The following PSKH1 variants were observed in gnomAD, a reference collection of about 807,000 sequenced individuals.
The protein encoded by PSKH1 is serine/threonine-protein kinase H1.
A neutral mutation model predicts 26.7 loss-of-function variants in PSKH1; 12 were observed. The observed-to-expected ratio is 0.45, with a 90% confidence interval of 0.29 to 0.73. The LOEUF is 0.73. PSKH1 is among the 30% of genes least tolerant of loss of function. PSKH1 has a pLI of 0.11. For synonymous variants in PSKH1, 213 were observed against 234.3 expected, an observed-to-expected ratio of 0.91 and a Z score of 0.83; for missense variants, 431 against 595.2, an observed-to-expected ratio of 0.72 and a Z score of 2.87.
chr16:67,921,839 C>T (rs1008221684), intron 2 of PSKH1, among the ~76,000 whole-genome samples: 1 of 152,166 alleles, frequency 6.6e-6, no homozygotes, highest in African/African-American at 2.4e-5. Context: ...CCTCTCCTTC[C>T]CCTCCACTCT....
At chr16:67,899,234 T>G (rs2058135146) in intron 1 of PSKH1, among the ~76,000 whole-genome samples, 2 of 152,070 alleles carry the variant, frequency 1.3e-5, no homozygotes, top group African/African-American at 4.8e-5. Context: ...GTCCAAAGAG[T>G]GTGGCTATGG....
At chr16:67,910,671 T>G (rs965090970) in intron 2 of PSKH1, among the ~76,000 whole-genome samples, 1 of 151,970 alleles carries the variant, frequency 6.6e-6, no homozygotes, top group Non-Finnish European at 1.5e-5. Flanking sequence ...CCCAGCTAAT[T>G]TTTGTATTTT....
chr16:67,894,925 T>G (rs1317958893), intron 1 of PSKH1, among the ~76,000 whole-genome samples: 1 of 150,948 alleles, frequency 6.6e-6, no homozygotes, highest in East Asian at 1.9e-4. Context: ...GAGTTAGTTT[T>G]TTTTTTTTTT....
At chr16:67,902,693 T>C (rs541211648) in intron 1 of PSKH1, among the ~76,000 whole-genome samples, 3 of 152,294 alleles carry the variant, frequency 2.0e-5, no homozygotes, top group Admixed American at 2.0e-4. Flanking sequence ...TACATGTGCC[T>C]GTAGATGACT....
chr16:67,908,650 T>C, intron 1 of PSKH1, 30 bp from the exon 2 acceptor site: 1 of 1,027,476 alleles, frequency 9.7e-7, no homozygotes, highest in Non-Finnish European at 1.4e-6. Context: ...TTGGCCTGGC[T>C]GTGCTGACTT....
Sources: gnomAD v4.1 joint callset for allele counts (sites outside exome capture counted in the v4.1 genomes callset) on GRCh38, gnomAD v4.1.1 for gene constraint, MANE v1.5 for transcripts, NCBI Gene and HGNC (gene_info 2026-07-23, HGNC 2026-07-21) for gene names.